The following LCN1 variants were observed in gnomAD, a reference collection of about 807,000 sequenced individuals.
LCN1 encodes lipocalin 1.
Under a neutral mutation model 22.3 loss-of-function variants are expected in LCN1, and 25 were observed. The ratio of observed to expected loss-of-function variants is 1.12; its 90% CI spans 0.82 to 1.56. LCN1 has a LOEUF of 1.56. LCN1 is among the 40% of genes most tolerant of loss of function. The pLI is 0.00. For synonymous variants in LCN1, 85 were observed against 97.6 expected, an observed-to-expected ratio of 0.87 and a Z score of 0.76; for missense variants, 219 against 235.6, an observed-to-expected ratio of 0.93 and a Z score of 0.46.
chr9:135,524,643 A>G (rs1831583701), intron 4 of LCN1, among the ~76,000 whole-genome samples, 187 bp from the exon 5 acceptor site: 1 of 152,046 alleles, frequency 6.6e-6, no homozygotes, highest in African/African-American at 2.4e-5. Context: ...TTCTGCTGCC[A>G]CAGGAGCCTT....
At chr9:135,523,418 A>C in intron 3 of LCN1, 116 bp downstream of exon 3, 1 of 858,634 alleles carries the variant, frequency 1.2e-6, no homozygotes, top group Non-Finnish European at 1.8e-6. Flanking sequence ...CTGCCTTCTG[A>C]CTCCACTAAA....
intron 6 of LCN1, among the ~76,000 whole-genome samples, chr9:135,525,980 G>A (rs1250029181): frequency 1.8e-4 from 14 of 78,792 alleles, no homozygotes; most frequent in South Asian, 4.4e-4. Flanking sequence ...GCCTTCCACC[G>A]TAACCCTCAA....
chr9:135,522,950 T>C (rs61570826), intron 2 of LCN1, among the ~76,000 whole-genome samples: 2,856 of 138,714 alleles, frequency 0.021, 97 homozygotes, highest in African/African-American at 0.074. Context: ...CCAGGCAGCC[T>C]GGGTGCCTCT....
intron 3 of LCN1, among the ~76,000 whole-genome samples, chr9:135,523,623 A>T (rs2118951496): frequency 6.6e-6 from 1 of 152,240 alleles, no homozygotes; most frequent in African/African-American, 2.4e-5. Context: ...ACCTCCGCAG[A>T]CCTCATACCC....
At chr9:135,525,916 CCT>C (rs1256526843) in intron 6 of LCN1, among the ~76,000 whole-genome samples, 1 of 145,996 alleles carries the variant, frequency 6.8e-6, no homozygotes, top group Non-Finnish European at 1.5e-5. Context: ...CACACCATTG[CCT>C]CTGAGATCCA....
intron 6 of LCN1, 24 bp from the exon 7 acceptor site, chr9:135,526,320 C>T (rs1433002704): frequency 8.3e-6 from 10 of 1,211,298 alleles, no homozygotes; most frequent in Non-Finnish European, 9.6e-6. Context: ...GTCCTGGCCT[C>T]ACTCACCCTC....
Position 135,526,493 on chromosome 9 carries a change from C to A in LCN1, c.*151C>A. 2 of 1,272,556 alleles carry A rather than the reference C, an allele frequency of 1.6e-6. No homozygotes were observed. Among genetic ancestry groups the A allele is most frequent in the Non-Finnish European group, 2.0e-6 (2 of 978,682 alleles). The allele number at this position is 1,272,556 out of a possible 1,614,324, so 78.8% of individuals were successfully genotyped here. On this transcript the variant is annotated 3_prime_UTR_variant, in exon 7 of 7. Coordinates refer to ENST00000371781, the MANE Select transcript of LCN1 (RefSeq NM_002297.4). Reference sequence around the variant, plus strand: ...CACCCCCCGCCTTCCCCCTGCCCTGCGCCCCCTCTCCTGGTTCTCCATAAA... The same window carrying A: ...CACCCCCCGCCTTCCCCCTGCCCTGAGCCCCCTCTCCTGGTTCTCCATAAA...
intron 6 of LCN1, 113 bp downstream of exon 6, chr9:135,525,271 T>G: frequency 1.8e-5 from 19 of 1,051,128 alleles, no homozygotes; most frequent in South Asian, 4.8e-5. Context: ...GGGTGGGAGA[T>G]GCCCCACGTA....
At chr9:135,524,399 C>T (rs1327525806) in intron 4 of LCN1, among the ~76,000 whole-genome samples, 3 of 152,158 alleles carry the variant, frequency 2.0e-5, no homozygotes, top group Admixed American at 6.5e-5. Context: ...GGTTGAATTC[C>T]GGACGCGGTG....
chr9:135,526,333 C>A lies in LCN1; in HGVS notation c.*2-11C>A. 26 of 1,248,314 alleles carry A rather than the reference C, an allele frequency of 2.1e-5. No individual in the cohort carries two copies. Among genetic ancestry groups the A allele is most frequent in the Non-Finnish European group, 2.7e-5 (26 of 966,298 alleles). The allele number at this position is 1,248,314 out of a possible 1,614,324, so 77.3% of individuals were successfully genotyped here. A position where few individuals can be genotyped will look rare whatever the true frequency, so the allele number is the denominator to read the frequency against. On this transcript the variant is annotated splice_polypyrimidine_tract_variant and intron_variant, in intron 6 of 6. Transcript: ENST00000371781. ...CTGTCCTGGCCTCACTCACCCTCCC[C>A]CCCTTTCCAGGGCAGGGGACACCTT... is the stretch of plus-strand genomic sequence containing the variant.
chr9:135,524,957 C>T lies in LCN1; in HGVS notation c.505+26C>T, dbSNP rs1831594641. ...GTAGGAGGCATGGCCCTGCAGAGCC[C>T]CCCATGTCCCCGCGTGGGGACATCA... On this transcript the variant is annotated intron_variant, in intron 5 of 6. Transcript: ENST00000371781. 2.5e-6 allele frequency: 4 copies of T among 1,591,738 alleles called. No individual in the cohort carries two copies. The East Asian group carries it at 9.0e-5, about 36-fold the overall frequency.
intron 5 of LCN1, 78 bp downstream of exon 5, chr9:135,525,009 A>T: frequency 3.2e-6 from 5 of 1,548,662 alleles, no homozygotes; most frequent in Admixed American, 1.7e-5. Context: ...CGGGCGCATA[A>T]CTGTGCTGCG....
chr9:135,521,936 G>A (rs1467829002), intron 1 of LCN1, 111 bp from the exon 2 acceptor site: 11 of 1,485,810 alleles, frequency 7.4e-6, no homozygotes, highest in African/African-American at 4.2e-5. Flanking sequence ...ATTGGGGAAC[G>A]TTCCCCGTTT....
chr9:135,523,882 G>T lies in LCN1; in HGVS notation c.295G>T (p.Gly99Trp). 6.2e-7 allele frequency: 1 copy of T among 1,612,548 alleles called. No homozygotes were observed. The highest frequency in any genetic ancestry group is 8.5e-7 in the Non-Finnish European group (1 of 1,178,608). The change falls in exon 4 of 7, where the codon GGG becomes TGG. Residue 99 changes from glycine to tryptophan, a missense_variant and splice_region_variant. Gly to Trp is a radical substitution (Grantham distance 184). Transcript: ENST00000371781. Reference protein sequence around the residue: ...TDEPGKYTADGGKHVAYIIRS... With the variant: ...TDEPGKYTADWGKHVAYIIRS... ...AATGTGCTGCTGTCTTTCTGCAGAC[G>T]GGGGCAAGCACGTGGCATACATCAT...
chr9:135,523,528 GGCTTGCCC>G (rs1170796880), intron 3 of LCN1, among the ~76,000 whole-genome samples: 3 of 152,234 alleles, frequency 2.0e-5, no homozygotes, highest in African/African-American at 7.2e-5. Context: ...GGACCCTCTG[GGCTTGCCC>G]TGTAGCCCTG....
rs374924983 is a variant in LCN1, at chr9:135,526,473, C to G, written c.*131C>G. ...CTGGCTGCACCCCTTCCTACCACCC[C>G]CCGCCTTCCCCCTGCCCTGCGCCCC... On this transcript the variant is annotated 3_prime_UTR_variant, in exon 7 of 7. Transcript: ENST00000371781. The G allele has an allele frequency of 1.2e-5, 16 of 1,281,784 alleles. No individual in the cohort carries two copies. The East Asian group carries it at 2.8e-4, about 23-fold the overall frequency. 79.4% of individuals were successfully genotyped at this position (1,281,784 alleles called of 1,614,324 possible). A position where few individuals can be genotyped will look rare whatever the true frequency, so the allele number is the denominator to read the frequency against.
intron 3 of LCN1, among the ~76,000 whole-genome samples, 181 bp downstream of exon 3, chr9:135,523,483 C>T (rs1200635291): frequency 6.6e-6 from 1 of 152,188 alleles, no homozygotes; most frequent in African/African-American, 2.4e-5. Flanking sequence ...AACACCTGAC[C>T]CCAAACACCA....
chr9:135,523,911 G>A lies in LCN1; in HGVS notation c.324G>A (p.Arg108=). ...DGGKHVAYII[R]SHVKDHYIFY... is the part of the protein sequence containing the mutation. ...GCAAGCACGTGGCATACATCATCAG[G>A]TCGCACGTGAAGGACCACTACATCT... The change falls in exon 4 of 7, where the codon AGG becomes AGA. Residue 108 remains arginine, a synonymous_variant. Transcript: ENST00000371781. 1 of 1,614,134 alleles carries A rather than the reference G, an allele frequency of 6.2e-7. No individual in the cohort carries two copies. Among genetic ancestry groups the A allele is most frequent in the Non-Finnish European group, 8.5e-7 (1 of 1,179,990 alleles).
intron 6 of LCN1, 146 bp downstream of exon 6, chr9:135,525,304 C>A: frequency 1.3e-6 from 1 of 771,424 alleles, no homozygotes; most frequent in East Asian, 2.5e-5. Context: ...GGGAGCTCTG[C>A]TCCTGAGCTG....
Sources: gnomAD v4.1 joint callset for allele counts (sites outside exome capture counted in the v4.1 genomes callset) on GRCh38, gnomAD v4.1.1 for gene constraint, MANE v1.5 for transcripts, NCBI Gene and HGNC (gene_info 2026-07-23, HGNC 2026-07-21) for gene names.